The following EPHA3 variants were observed in gnomAD, a reference collection of about 807,000 sequenced individuals.
EPHA3 encodes EPH receptor A3.
In EPHA3, 42 loss-of-function variants were observed where a neutral mutation model predicts 107.1. The ratio of observed to expected loss-of-function variants is 0.39; its 90% confidence interval spans 0.31 to 0.51. The LOEUF (loss-of-function observed/expected upper bound fraction) is 0.51, where lower values mean the gene tolerates loss of function less well. EPHA3 is among the 20% of genes least tolerant of loss of function. EPHA3 has a pLI of 0.78. For missense variants in EPHA3, 1,183 were observed against 1,211.2 expected, an observed-to-expected ratio of 0.98 and a Z score of 0.35; for synonymous variants, 461 against 424.8, an observed-to-expected ratio of 1.09 and a Z score of -1.05.
At chr3:89,272,689 C>T (rs1232561724) in intron 3 of EPHA3, among the ~76,000 whole-genome samples, 2 of 151,868 alleles carry the variant, frequency 1.3e-5, no homozygotes, top group Admixed American at 1.3e-4. Context: ...TGGCTTTGAT[C>T]TTTTACTTGG....
rs774200640 is a variant in EPHA3, at chr3:89,309,625, G to A, written c.815-31291G>A. Among the ~76,000 whole-genome samples the A allele has an allele frequency of 6.6e-5, 10 of 152,050 alleles. No individual in the cohort carries two copies. In the East Asian group the frequency reaches 1.2e-3, roughly 18 times the overall value. On this transcript the variant is annotated intron_variant, in intron 3 of 16. Coordinates refer to ENST00000336596, the MANE Select transcript of EPHA3 (RefSeq NM_005233.6). ...ATATTGGGGCACCAGAGCACTAAGC[G>A]TAGCTAGATTAATCTACTTTACTGT...
At chr3:89,140,342 CAGA>C (rs1471117565) in intron 2 of EPHA3, among the ~76,000 whole-genome samples, 1 of 151,708 alleles carries the variant, frequency 6.6e-6, no homozygotes, top group African/African-American at 2.4e-5. Context: ...AGTCTTAAAA[CAGA>C]AGGATTGGAT....
At chr3:89,434,576 G>A (rs1246257056) in intron 13 of EPHA3, among the ~76,000 whole-genome samples, 1 of 152,084 alleles carries the variant, frequency 6.6e-6, no homozygotes, top group African/African-American at 2.4e-5. Context: ...TGATTGCCAG[G>A]ATACTCAAAA....
At chr3:89,321,799 G>T (rs538910259) in intron 3 of EPHA3, among the ~76,000 whole-genome samples, 60 of 152,086 alleles carry the variant, frequency 3.9e-4, no homozygotes, top group African/African-American at 1.4e-3. Flanking sequence ...ACAAGAAAAA[G>T]AAAATTTGGT....
At chr3:89,424,068 C>T (rs892674284) in intron 11 of EPHA3, among the ~76,000 whole-genome samples, 14 of 151,356 alleles carry the variant, frequency 9.2e-5, no homozygotes, top group Non-Finnish European at 1.9e-4. Flanking sequence ...CTAGTAATAT[C>T]TTGATACCAA....
chr3:89,455,299 A>T (rs1206734477), intron 15 of EPHA3, among the ~76,000 whole-genome samples: 2 of 152,182 alleles, frequency 1.3e-5, no homozygotes, highest in Non-Finnish European at 2.9e-5. Context: ...GGAATGAGCC[A>T]GCTGTGTAAC....
intron 13 of EPHA3, among the ~76,000 whole-genome samples, chr3:89,440,220 G>A (rs1205321849): frequency 6.6e-6 from 1 of 152,040 alleles, no homozygotes. Context: ...AAATCTTTTA[G>A]CCAAATAATT....
chr3:89,265,685 G>T (rs1705521345), intron 3 of EPHA3, among the ~76,000 whole-genome samples: 1 of 152,038 alleles, frequency 6.6e-6, no homozygotes, highest in East Asian at 1.9e-4. Context: ...AGAACCAATT[G>T]CTTAATTTCT....
intron 11 of EPHA3, among the ~76,000 whole-genome samples, chr3:89,422,063 A>G (rs550674709): frequency 1.4e-4 from 21 of 151,342 alleles, no homozygotes; most frequent in Admixed American, 1.3e-3. Flanking sequence ...TTGTAAATAT[A>G]ATAGAGTAGT....
intron 3 of EPHA3, among the ~76,000 whole-genome samples, chr3:89,281,208 T>C (rs2107314725): frequency 1.3e-5 from 2 of 152,186 alleles, no homozygotes; most frequent in South Asian, 4.1e-4. Flanking sequence ...TGTGTTTTAG[T>C]AGAGACGGGT....
chr3:89,223,325 C>T (rs1356516715), intron 3 of EPHA3, among the ~76,000 whole-genome samples: 1 of 152,116 alleles, frequency 6.6e-6, no homozygotes, highest in Non-Finnish European at 1.5e-5. Context: ...ATCCTTCATA[C>T]GGTTGATGGT....
At chr3:89,289,451 A>T (rs1395583304) in intron 3 of EPHA3, among the ~76,000 whole-genome samples, 1 of 152,130 alleles carries the variant, frequency 6.6e-6, no homozygotes, top group Non-Finnish European at 1.5e-5. Flanking sequence ...TATGTAGTAT[A>T]TTAAAGTAAT....
intron 16 of EPHA3, among the ~76,000 whole-genome samples, chr3:89,478,744 A>T (rs1710567785): frequency 6.6e-6 from 1 of 152,202 alleles, no homozygotes; most frequent in African/African-American, 2.4e-5. Flanking sequence ...CAGTCCCCAG[A>T]TTCAAGGGAA....
chr3:89,364,747 T>A (rs939785824), intron 5 of EPHA3, among the ~76,000 whole-genome samples: 3 of 151,174 alleles, frequency 2.0e-5, no homozygotes, highest in African/African-American at 7.2e-5. Context: ...TAAAGAATTA[T>A]GTTAAACCTG....
At chr3:89,398,024 T>C (rs1708885219) in intron 6 of EPHA3, among the ~76,000 whole-genome samples, 1 of 152,230 alleles carries the variant, frequency 6.6e-6, no homozygotes, top group Non-Finnish European at 1.5e-5. Context: ...CACATATACC[T>C]AAATTTAAAA....
chr3:89,472,328 T>TG (rs1385702704), intron 15 of EPHA3, 136 bp from the exon 16 acceptor site: 1 of 944,128 alleles, frequency 1.1e-6, no homozygotes, highest in Non-Finnish European at 1.6e-6. Context: ...GAAGCTTTCA[T>TG]GGCAGATAAA....
intron 1 of EPHA3, among the ~76,000 whole-genome samples, chr3:89,114,907 C>T (rs1707217007): frequency 6.6e-6 from 1 of 152,184 alleles, no homozygotes; most frequent in Admixed American, 6.5e-5. Context: ...CAGGTCCTGA[C>T]CTGAGGAATA....
chr3:89,148,196 G>A (rs1704610598), intron 2 of EPHA3, among the ~76,000 whole-genome samples: 1 of 151,746 alleles, frequency 6.6e-6, no homozygotes, highest in Middle Eastern at 3.4e-3. Flanking sequence ...ATGTATTATT[G>A]GAAAACTAAA....
At chr3:89,476,809 C>G (rs1428080374) in intron 16 of EPHA3, among the ~76,000 whole-genome samples, 1 of 151,628 alleles carries the variant, frequency 6.6e-6, no homozygotes. Context: ...GGGGTATCAC[C>G]GCGTTAGTCA....
Sources: gnomAD v4.1 joint callset for allele counts (sites outside exome capture counted in the v4.1 genomes callset) on GRCh38, gnomAD v4.1.1 for gene constraint, MANE v1.5 for transcripts, NCBI Gene and HGNC (gene_info 2026-07-23, HGNC 2026-07-21) for gene names.